The following CEP350 variants were observed in gnomAD, a reference collection of about 807,000 sequenced individuals.
The protein encoded by CEP350 is centrosome-associated protein 350.
A neutral mutation model predicts 331.8 loss-of-function variants in CEP350; 126 were observed. The observed-to-expected ratio is 0.38, with a 90% confidence interval of 0.33 to 0.44. The LOEUF is 0.44. Among genes scored for constraint, CEP350 ranks in the 20% least tolerant of loss-of-function variants. The probability of loss-of-function intolerance (pLI) is 1.00; values close to 1 mark genes in which losing one functional copy is unlikely to be tolerated. For synonymous variants in CEP350, 1,200 were observed against 1,259.5 expected (o/e 0.95, Z 1.00); for missense variants, 3,406 against 3,634.6 (o/e 0.94, Z 1.62).
At chr1:180,060,654 T>A (rs1658167308) in intron 25 of CEP350, among the ~76,000 whole-genome samples, 1 of 151,990 alleles carries the variant, frequency 6.6e-6, no homozygotes, top group African/African-American at 2.4e-5. Flanking sequence ...CTCTAAAAAA[T>A]TTTAAAAATA....
intron 4 of CEP350, among the ~76,000 whole-genome samples, chr1:179,991,127 AT>A (rs891444744): frequency 3.9e-4 from 57 of 146,456 alleles, no homozygotes; most frequent in East Asian, 4.0e-4. Flanking sequence ...TATATGTCTG[AT>A]TTTTTTTTTT....
chr1:180,000,803 A>C (rs929219449), intron 6 of CEP350: 7 of 152,250 alleles, frequency 4.6e-5, no homozygotes, highest in Admixed American at 2.0e-4. Flanking sequence ...TTATTGTGTC[A>C]TTCATGATGG....
At chr1:180,055,420 T>C (rs1367214114) in intron 25 of CEP350, among the ~76,000 whole-genome samples, 2 of 152,178 alleles carry the variant, frequency 1.3e-5, no homozygotes, top group African/African-American at 4.8e-5. Context: ...TGTCAGGTGC[T>C]AGCTACTGTG....
intron 37 of CEP350, among the ~76,000 whole-genome samples, chr1:180,104,209 G>C (rs1416073234): frequency 1.3e-5 from 2 of 150,996 alleles, no homozygotes; most frequent in East Asian, 1.9e-4. Flanking sequence ...TTTTCTTGTA[G>C]AGTTGTTTTT....
intron 33 of CEP350, among the ~76,000 whole-genome samples, chr1:180,091,312 G>A (rs963838082): frequency 4.6e-5 from 7 of 152,120 alleles, no homozygotes; most frequent in Admixed American, 3.9e-4. Flanking sequence ...AAAGTGGTGA[G>A]ATTATGGGCA....
chr1:180,076,956 T>A (rs1394006870), intron 28 of CEP350, among the ~76,000 whole-genome samples: 1 of 152,166 alleles, frequency 6.6e-6, no homozygotes. Context: ...TAGAAAGTTC[T>A]TTTGGATTTG....
chr1:180,012,530 C>A (rs1430134410), intron 9 of CEP350, among the ~76,000 whole-genome samples: 2 of 152,132 alleles, frequency 1.3e-5, no homozygotes, highest in African/African-American at 2.4e-5. Context: ...GATTTGGTGG[C>A]AGAACTGTTT....
intron 27 of CEP350, among the ~76,000 whole-genome samples, chr1:180,068,194 T>C (rs1658660586): frequency 6.6e-6 from 1 of 152,240 alleles, no homozygotes; most frequent in Non-Finnish European, 1.5e-5. Context: ...TTTTTGGCTA[T>C]AGTGAAAGAT....
chr1:179,980,465 T>C (rs897349405), intron 1 of CEP350, among the ~76,000 whole-genome samples: 5 of 152,062 alleles, frequency 3.3e-5, no homozygotes, highest in African/African-American at 9.7e-5. Context: ...ATTTCCTATA[T>C]GTATGATTAT....
In CEP350 at chr1:180,094,423, T is replaced by C. The variant is rs747836201; in HGVS notation, c.8318T>C (p.Ile2773Thr). The change falls in exon 34 of 38, where the codon ATC becomes ACC. Residue 2773 changes from isoleucine to threonine, a missense_variant. By Grantham distance (89) the Ile-to-Thr change is moderately conservative. Coordinates refer to ENST00000367607, the MANE Select transcript of CEP350 (RefSeq NM_014810.5). ...VKDTVNQLQQ[I>T]KKTRDEKIQL... Reference sequence around the variant, plus strand: ...GACACAGTCAATCAACTACAACAAATCAAAAAAACCAGGGATGAGAAAATC... The same window carrying C: ...GACACAGTCAATCAACTACAACAAACCAAAAAAACCAGGGATGAGAAAATC... 1.9e-6 allele frequency: 3 copies of C among 1,613,344 alleles called. No homozygotes were observed. The South Asian group carries it at 3.3e-5, about 18-fold the overall frequency.
intron 3 of CEP350, among the ~76,000 whole-genome samples, chr1:179,990,053 G>A (rs1048298323): frequency 6.6e-6 from 1 of 152,002 alleles, no homozygotes; most frequent in East Asian, 1.9e-4. Context: ...GCCCGGCGTG[G>A]TGGCGCACGC....
chr1:180,074,880 C>G (rs1177532865), intron 27 of CEP350, 142 bp from the exon 28 acceptor site: 2 of 616,086 alleles, frequency 3.2e-6, no homozygotes, highest in African/African-American at 1.9e-5. Context: ...TCTATTATCT[C>G]AAGCTTTTTT....
intron 1 of CEP350, chr1:179,968,934 C>A (rs750092674): frequency 1.2e-4 from 90 of 757,678 alleles, no homozygotes; most frequent in Non-Finnish European, 3.6e-5. Flanking sequence ...CCACTGGAGC[C>A]ACTCCAATTG....
chr1:180,068,277 C>T (rs1222041911), intron 27 of CEP350, among the ~76,000 whole-genome samples: 1 of 152,090 alleles, frequency 6.6e-6, no homozygotes, highest in Non-Finnish European at 1.5e-5. Context: ...ATATTCCTAA[C>T]ATATGGCTTT....
chr1:179,961,993 G>A (rs1203996042), intron 1 of CEP350, among the ~76,000 whole-genome samples: 2 of 151,446 alleles, frequency 1.3e-5, no homozygotes, highest in Non-Finnish European at 2.9e-5. Flanking sequence ...CTACAGGTAC[G>A]AGCCACCATG....
At chr1:180,081,057 G>A (rs558022271) in intron 30 of CEP350, among the ~76,000 whole-genome samples, 13 of 150,846 alleles carry the variant, frequency 8.6e-5, no homozygotes, top group Admixed American at 4.6e-4. Flanking sequence ...TAGTAGAGAC[G>A]AGGTTTCACC....
In CEP350 at chr1:180,080,574, A is replaced by T; in HGVS notation, c.6037A>T (p.Arg2013Trp). The T allele has an allele frequency of 6.2e-7, 1 of 1,613,716 alleles. No homozygotes were observed. The highest frequency in any genetic ancestry group is 8.5e-7 in the Non-Finnish European group (1 of 1,179,620). The change falls in exon 30 of 38, where the codon AGG (arginine) becomes TGG (tryptophan). Residue 2013 changes from arginine to tryptophan, a missense_variant. Physicochemically the swap from Arg to Trp is moderately radical, Grantham distance 101. This residue lies in a region of CEP350 where 1,415 missense variants were observed against 1,512.3 expected (regional missense o/e 0.94). Coordinates refer to ENST00000367607, the MANE Select transcript of CEP350 (RefSeq NM_014810.5). The part of the protein sequence containing the change: ...SKQESSKGSH[R>W]TGGQCHLPIK... ...GCAGGAGTCTAGCAAAGGAAGTCAT[A>T]GGACTGGAGGACAATGTCACCTGCC...
intron 21 of CEP350, among the ~76,000 whole-genome samples, chr1:180,047,267 G>A (rs1249609958): frequency 6.6e-6 from 1 of 152,180 alleles, no homozygotes; most frequent in Non-Finnish European, 1.5e-5. Flanking sequence ...AGAAATGTAA[G>A]GAGGAGAAAG....
At chr1:180,052,242 T>C (rs561835243) in intron 22 of CEP350, 7 of 453,706 alleles carry the variant, frequency 1.5e-5, no homozygotes, top group Non-Finnish European at 3.1e-5. Flanking sequence ...TCTTGCTCTG[T>C]CACCCAGGCT....
Sources: gnomAD v4.1 joint callset for allele counts (sites outside exome capture counted in the v4.1 genomes callset) on GRCh38, gnomAD v4.1.1 for gene constraint, gnomAD v4.1.1 regional missense constraint, MANE v1.5 for transcripts, NCBI Gene and HGNC (gene_info 2026-07-23, HGNC 2026-07-21) for gene names.